Variants in SKAP2 observed in about 807,000 individuals in gnomAD.
SKAP2 encodes src kinase associated phosphoprotein 2, also known as src kinase-associated phosphoprotein 2.
In SKAP2, 28 loss-of-function variants were observed where a neutral mutation model predicts 54.9. The observed-to-expected ratio is 0.51, with a 90% confidence interval of 0.38 to 0.70. SKAP2 has a LOEUF of 0.70. Among genes scored for constraint, SKAP2 ranks in the 30% least tolerant of loss-of-function variants. The probability of loss-of-function intolerance (pLI) is 0.00; values close to 1 mark genes in which losing one functional copy is unlikely to be tolerated. For missense variants in SKAP2, 356 were observed against 424.1 expected, an observed-to-expected ratio of 0.84 and a Z score of 1.41; for synonymous variants, 137 against 134.3, an observed-to-expected ratio of 1.02 and a Z score of -0.14.
At chr7:26,741,724 A>C (rs1782460164) in intron 4 of SKAP2, among the ~76,000 whole-genome samples, 1 of 152,012 alleles carries the variant, frequency 6.6e-6, no homozygotes, top group Non-Finnish European at 1.5e-5. Context: ...TATGCCCATA[A>C]ATTTGCCTAT....
At chr7:26,665,550 T>C (rs528905983), downstream of SKAP2, among the ~76,000 whole-genome samples, 1 of 152,300 alleles carries the variant, frequency 6.6e-6, no homozygotes, top group Admixed American at 6.5e-5. Flanking sequence ...ATCCACACCA[T>C]ATAATGTGTA....
intron 4 of SKAP2, among the ~76,000 whole-genome samples, chr7:26,837,270 C>T (rs1784733972): frequency 6.6e-6 from 1 of 152,060 alleles, no homozygotes; most frequent in East Asian, 1.9e-4. Context: ...ACCACCATGG[C>T]ACATGTATAC....
intron 4 of SKAP2, among the ~76,000 whole-genome samples, chr7:26,751,693 A>C (rs1362506413): frequency 6.6e-6 from 1 of 152,188 alleles, no homozygotes; most frequent in Non-Finnish European, 1.5e-5. Flanking sequence ...CACCTAAAAC[A>C]AGAGGTTTTT....
chr7:26,794,103 A>G (rs936731539), intron 4 of SKAP2, among the ~76,000 whole-genome samples: 19 of 152,070 alleles, frequency 1.2e-4, no homozygotes, highest in Admixed American at 6.6e-5. Context: ...CAGGAGCCCA[A>G]TTTTTTTTAA....
chr7:26,698,290 C>T (rs746918118), intron 9 of SKAP2, among the ~76,000 whole-genome samples: 15 of 152,334 alleles, frequency 9.8e-5, no homozygotes, highest in Admixed American at 4.6e-4. Flanking sequence ...ACTGGCTCCA[C>T]ATCCCTTATA....
intron 9 of SKAP2, among the ~76,000 whole-genome samples, chr7:26,715,549 G>A (rs1002183956): frequency 6.6e-6 from 1 of 152,038 alleles, no homozygotes; most frequent in African/African-American, 2.4e-5. Context: ...AGCCGAGGCG[G>A]GTGGATCACC....
At chr7:26,808,802 A>T (rs1336469641) in intron 4 of SKAP2, among the ~76,000 whole-genome samples, 1 of 152,230 alleles carries the variant, frequency 6.6e-6, no homozygotes, top group Non-Finnish European at 1.5e-5. Flanking sequence ...AATCAACTCA[A>T]AGTGAATTAA....
rs150599265 is a variant in SKAP2 at position 26,728,658 on chromosome 7, T to C, written c.470-1652A>G. Among the ~76,000 whole-genome samples the C allele has an allele frequency of 7.0e-3, 1,061 of 152,258 alleles. 12 individuals carry two copies. Among genetic ancestry groups the C allele is most frequent in the Middle Eastern group, 0.041 (12 of 294 alleles). On this transcript the variant is annotated intron_variant, in intron 6 of 12. Transcript: ENST00000345317. ...ATTATAGGTTTGCCGAGATAAAAGCTAGAACACCTTATCAGATCTTTCGCG... is the reference window on the plus strand; with the variant it reads ...ATTATAGGTTTGCCGAGATAAAAGCCAGAACACCTTATCAGATCTTTCGCG...
At chr7:26,729,767 A>G (rs539417165) in intron 6 of SKAP2, among the ~76,000 whole-genome samples, 5 of 152,268 alleles carry the variant, frequency 3.3e-5, no homozygotes, top group African/African-American at 1.2e-4. Context: ...AAAATACAAC[A>G]TAAGAAAAAT....
chr7:26,843,595 G>A (rs1784861113), intron 4 of SKAP2, among the ~76,000 whole-genome samples: 1 of 151,824 alleles, frequency 6.6e-6, no homozygotes, highest in Non-Finnish European at 1.5e-5. Flanking sequence ...GTGTGAAGAG[G>A]CAATGTCGGA....
intron 3 of SKAP2, among the ~76,000 whole-genome samples, chr7:26,848,274 A>T (rs1784967363): frequency 2.6e-5 from 4 of 152,174 alleles, no homozygotes; most frequent in Admixed American, 2.6e-4. Flanking sequence ...TTTTAAACAC[A>T]ATCAGGTAAA....
chr7:26,725,227 A>G (rs1787674604), intron 9 of SKAP2, among the ~76,000 whole-genome samples: 2 of 152,134 alleles, frequency 1.3e-5, no homozygotes, highest in Admixed American at 1.3e-4. Context: ...TTCGTAAGTT[A>G]CATCTACTCA....
At chr7:26,807,413 AAGTGTTTGGC>A (rs1334630091) in intron 4 of SKAP2, among the ~76,000 whole-genome samples, 1 of 152,112 alleles carries the variant, frequency 6.6e-6, no homozygotes, top group Non-Finnish European at 1.5e-5. Flanking sequence ...GATAGTTTAA[AAGTGTTTGGC>A]AGTTCCCTCC....
chr7:26,752,259 AAC>A (rs1176296428), intron 4 of SKAP2, among the ~76,000 whole-genome samples: 1 of 152,134 alleles, frequency 6.6e-6, no homozygotes, highest in Non-Finnish European at 1.5e-5. Flanking sequence ...CAGGGAAGAA[AAC>A]ACAACTATTT....
At chr7:26,811,717 A>C (rs1196176039) in intron 4 of SKAP2, among the ~76,000 whole-genome samples, 2 of 152,226 alleles carry the variant, frequency 1.3e-5, no homozygotes, top group African/African-American at 4.8e-5. Context: ...TCCCAAAATA[A>C]GAAACTGTTA....
At chr7:26,840,332 C>T (rs1014811779) in intron 4 of SKAP2, among the ~76,000 whole-genome samples, 1 of 152,052 alleles carries the variant, frequency 6.6e-6, no homozygotes, top group Admixed American at 6.6e-5. Flanking sequence ...AGGGGCAGAG[C>T]CAATATATGT....
chr7:26,744,769 C>T (rs921623065), intron 4 of SKAP2, among the ~76,000 whole-genome samples: 4 of 151,936 alleles, frequency 2.6e-5, no homozygotes, highest in African/African-American at 9.7e-5. Flanking sequence ...CACACACACA[C>T]TATATCCCAG....
intron 3 of SKAP2, among the ~76,000 whole-genome samples, chr7:26,849,301 T>G (rs1317532550): frequency 6.6e-6 from 1 of 152,212 alleles, no homozygotes; most frequent in Non-Finnish European, 1.5e-5. Context: ...AAATCTATTT[T>G]TTTTTACAAT....
rs73067496 is a variant in SKAP2, at chr7:26,828,354, C to T, written c.307+15676G>A. On this transcript the variant is annotated intron_variant, in intron 4 of 12. Coordinates refer to ENST00000345317, the MANE Select transcript of SKAP2 (RefSeq NM_003930.5). ...TCTTTTTAACGAACGATGTTAAAGG[C>T]TAGAGAATTCAAGAGTTCACTGAGC... 6.0e-3 allele frequency among the ~76,000 whole-genome samples: 910 copies of T among 152,204 alleles called. 5 individuals are homozygous for T. Among genetic ancestry groups the T allele is most frequent in the Non-Finnish European group, 0.011 (717 of 68,006 alleles).
Sources: allele counts gnomAD v4.1 joint callset (sites outside exome capture counted in the v4.1 genomes callset), GRCh38; gene constraint gnomAD v4.1.1; transcripts MANE v1.5; gene names NCBI Gene and HGNC (gene_info 2026-07-23, HGNC 2026-07-21).